Variants in ZNF808 observed in about 807,000 individuals in gnomAD.
ZNF808 encodes the protein zinc finger protein 808.
A neutral mutation model predicts 8.7 loss-of-function variants in ZNF808; 5 were observed. That is an observed-to-expected ratio of 0.58 (90% confidence interval 0.30 to 1.21). The LOEUF is 1.21. Ranked by LOEUF, ZNF808 falls within the 50% of genes most tolerant of loss-of-function variation. The probability of loss-of-function intolerance (pLI) is 0.07; values close to 1 mark genes in which losing one functional copy is unlikely to be tolerated. For synonymous variants in ZNF808, 380 were observed against 366.0 expected, an observed-to-expected ratio of 1.04 and a Z score of -0.44; for missense variants, 1,103 against 1,098.4, an observed-to-expected ratio of 1.00 and a Z score of -0.06.
intron 3 of ZNF808, among the ~76,000 whole-genome samples, chr19:52,545,559 C>T (rs1175911273): frequency 1.3e-5 from 2 of 152,134 alleles, no homozygotes; most frequent in African/African-American, 4.8e-5. Context: ...GTGGGTAGCT[C>T]ATGACATCAG....
chr19:52,548,122 C>G (rs1474796321), intron 4 of ZNF808, among the ~76,000 whole-genome samples: 1 of 152,180 alleles, frequency 6.6e-6, no homozygotes, highest in Non-Finnish European at 1.5e-5. Flanking sequence ...TGATCATCTT[C>G]TCTAAGCAGC....
chr19:52,552,835 G>A (rs2059790864), intron 4 of ZNF808, among the ~76,000 whole-genome samples: 1 of 151,604 alleles, frequency 6.6e-6, no homozygotes, highest in Non-Finnish European at 1.5e-5. Context: ...AGGTCACAGT[G>A]GAAAAATACT....
chr19:52,566,234 C>T (rs542577332), downstream of ZNF808, among the ~76,000 whole-genome samples: 13 of 152,052 alleles, frequency 8.5e-5, no homozygotes, highest in East Asian at 9.7e-4. Context: ...GGTGCGATCT[C>T]GGATCACTGA....
Position 52,555,273 on chromosome 19 carries a change from C to T in ZNF808, c.2357C>T (p.Thr786Ile). 2 of 1,612,540 alleles carry T rather than the reference C, an allele frequency of 1.2e-6. No homozygotes were observed. Among genetic ancestry groups the T allele is most frequent in the Non-Finnish European group, 1.7e-6 (2 of 1,179,644 alleles). The change falls in exon 5 of 5, where the codon ACT becomes ATT. Residue 786 changes from threonine (T) to isoleucine (I), a missense_variant. Thr to Ile is a moderately conservative substitution (Grantham distance 89, BLOSUM62 -1). Coordinates refer to ENST00000359798, the MANE Select transcript of ZNF808 (RefSeq NM_001039886.4). Reference sequence around the variant, plus strand: ...CTTGTATACCATCGTAGACTTCATACTGGAGAGAAATCTTACAAATGTACG... The same window carrying T: ...CTTGTATACCATCGTAGACTTCATATTGGAGAGAAATCTTACAAATGTACG... The part of the protein sequence containing the change: ...SSLVYHRRLH[T>I]GEKSYKCTVC...
downstream of ZNF808, among the ~76,000 whole-genome samples, chr19:52,558,089 T>TTC (rs1210511266): frequency 4.9e-5 from 7 of 142,142 alleles, no homozygotes; most frequent in African/African-American, 1.5e-4. Context: ...CTTTCTTTCT[T>TTC]TTTTTTTTTT....
intron 4 of ZNF808, among the ~76,000 whole-genome samples, chr19:52,548,377 T>C (rs968253211): frequency 1.7e-4 from 26 of 152,352 alleles, no homozygotes; most frequent in African/African-American, 5.5e-4. Context: ...AGTTTAGTTC[T>C]ACTGTCATTT....
chr19:52,555,515 A>C lies in ZNF808; in HGVS notation c.2599A>C (p.Ile867Leu). 1 of 1,614,162 alleles carries C rather than the reference A, an allele frequency of 6.2e-7. No homozygotes were observed. Among genetic ancestry groups the C allele is most frequent in the Non-Finnish European group, 8.5e-7 (1 of 1,180,034 alleles). ...SRKSHLKRHR[I>L]IHTGEKPYKC... ...CAAATCACACCTTAAAAGACATAGG[A>C]TAATTCATACTGGAGAGAAACCTTA... The change falls in exon 5 of 5, where the codon ATA becomes CTA. Residue 867 changes from isoleucine (I) to leucine (L), a missense_variant. By Grantham distance (5) the Ile-to-Leu change is conservative. Transcript: ENST00000359798.
At chr19:52,544,787 ACT>A (rs2059705478) in intron 3 of ZNF808, among the ~76,000 whole-genome samples, 1 of 151,942 alleles carries the variant, frequency 6.6e-6, no homozygotes, top group Non-Finnish European at 1.5e-5. Context: ...GCTTGGCTGG[ACT>A]CTGCACATTT....
chr19:52,552,968 T>C (rs550477301), intron 4 of ZNF808, 139 bp from the exon 5 acceptor site: 14 of 1,274,330 alleles, frequency 1.1e-5, no homozygotes, highest in Non-Finnish European at 5.2e-6. Context: ...AGAATCTCAC[T>C]CTTTTTGTGT....
At position 52,554,421 on chromosome 19, in the gene ZNF808, G is replaced by A. The variant is rs776653190; in HGVS notation, c.1505G>A (p.Arg502His). ...FSRRSSLLCHRRLHSGEKPYK... is the reference protein window; with the variant it reads ...FSRRSSLLCHHRLHSGEKPYK... ...CGCAGGTCATCCCTTCTATGCCATC[G>A]TAGACTTCATAGTGGTGAAAAACCT... The change falls in exon 5 of 5, where the codon CGT becomes CAT. Residue 502 changes from arginine to histidine, a missense_variant. By Grantham distance (29) the Arg-to-His change is conservative (BLOSUM62 0). Coordinates refer to ENST00000359798, the MANE Select transcript of ZNF808 (RefSeq NM_001039886.4). 1.4e-5 allele frequency: 23 copies of A among 1,613,888 alleles called. No homozygotes were observed. The East Asian group carries it at 1.8e-4, about 13-fold the overall frequency.
intron 3 of ZNF808, 138 bp from the exon 4 acceptor site, chr19:52,547,374 G>T (rs2059732171): frequency 4.0e-6 from 6 of 1,513,768 alleles, no homozygotes; most frequent in African/African-American, 1.4e-5. Context: ...GGAAAAAATA[G>T]TCAAAAATAC....
Position 52,554,461 on chromosome 19 carries a change from G to A in ZNF808, c.1545G>A (p.Gln515=). Residue 515 remains glutamine, a synonymous_variant, in exon 5 of 5, where the codon CAG becomes CAA. Coordinates refer to ENST00000359798, the MANE Select transcript of ZNF808 (RefSeq NM_001039886.4). The part of the protein sequence containing the change: ...HSGEKPYKCN[Q]CGNTFRHRAS... ...GTGAAAAACCTTACAAGTGTAATCA[G>A]TGTGGCAATACCTTCCGTCACCGGG... is the stretch of plus-strand genomic sequence containing the variant. 6.2e-7 allele frequency: 1 copy of A among 1,614,036 alleles called. No individual in the cohort carries two copies. Among genetic ancestry groups the A allele is most frequent in the East Asian group, 2.2e-5 (1 of 44,876 alleles).
downstream of ZNF808, among the ~76,000 whole-genome samples, chr19:52,558,175 T>G (rs939178053): frequency 6.8e-6 from 1 of 147,802 alleles, no homozygotes; most frequent in African/African-American, 2.5e-5. Flanking sequence ...AAGCTCCGCC[T>G]CCTGGGTTCA....
chr19:52,553,309 A>G lies in ZNF808; in HGVS notation c.393A>G (p.Lys131=). Residue 131 remains lysine (K), a synonymous_variant, in exon 5 of 5, where the codon AAA becomes AAG. Coordinates refer to ENST00000359798, the MANE Select transcript of ZNF808 (RefSeq NM_001039886.4). ...ATGGCCATGAAGCACCCACGACAAA[A>G]ATAAAAAAGTTGACTGGTAGCACAG... The part of the protein sequence containing the change: ...ERNGHEAPTT[K]IKKLTGSTDQ... The G allele has an allele frequency of 1.9e-6, 3 of 1,613,714 alleles. No homozygotes were observed. Among genetic ancestry groups the G allele is most frequent in the African/African-American group, 2.7e-5 (2 of 74,962 alleles).
rs2059807064 is a variant in ZNF808 at position 52,554,110 on chromosome 19, A to G, written c.1194A>G (p.Thr398=). The G allele has an allele frequency of 1.2e-6, 2 of 1,614,088 alleles. No individual in the cohort carries two copies. Among genetic ancestry groups the G allele is most frequent in the Non-Finnish European group, 8.5e-7 (1 of 1,180,012 alleles). The change falls in exon 5 of 5, where the codon ACA becomes ACG. Residue 398 remains threonine, a synonymous_variant. Transcript: ENST00000359798. ...CTAGAATTCATAGTGGAGAGAAAAC[A>G]TACAAGTGTAATGAGTGTGGTAAGG... is the stretch of plus-strand genomic sequence containing the variant. The part of the protein sequence containing the change: ...NHTRIHSGEK[T]YKCNECGKAF...
downstream of ZNF808, among the ~76,000 whole-genome samples, chr19:52,567,100 C>T (rs1308297773): frequency 1.3e-5 from 2 of 151,586 alleles, no homozygotes; most frequent in Admixed American, 6.6e-5. Context: ...TACAGGCATG[C>T]ACCACCACCC....
intron 4 of ZNF808, among the ~76,000 whole-genome samples, chr19:52,548,221 A>G (rs555297292): frequency 6.6e-6 from 1 of 152,156 alleles, no homozygotes; most frequent in South Asian, 2.1e-4. Flanking sequence ...ACTCTTGTTC[A>G]TGTCACATTT....
downstream of ZNF808, among the ~76,000 whole-genome samples, chr19:52,560,977 A>T (rs950833884): frequency 6.6e-6 from 1 of 152,084 alleles, no homozygotes; most frequent in Non-Finnish European, 1.5e-5. Context: ...TCACTGAGTA[A>T]GTCAAGACCT....
chr19:52,557,012 G>A (rs1367124078), downstream of ZNF808, among the ~76,000 whole-genome samples: 1 of 151,972 alleles, frequency 6.6e-6, no homozygotes, highest in African/African-American at 2.4e-5. Flanking sequence ...TCGCTCTGTC[G>A]CCTTGGATGG....
Sources: gnomAD v4.1 joint callset for allele counts (sites outside exome capture counted in the v4.1 genomes callset) on GRCh38, gnomAD v4.1.1 for gene constraint, MANE v1.5 for transcripts, NCBI Gene and HGNC (gene_info 2026-07-23, HGNC 2026-07-21) for gene names.